Variants in VKORC1L1 observed in about 807,000 individuals in gnomAD.
VKORC1L1 encodes the protein vitamin K epoxide reductase complex subunit 1L1.
VKORC1L1 carries 2 observed loss-of-function variants against 18.9 expected under a neutral mutation model. The ratio of observed to expected loss-of-function variants is 0.11; its 90% confidence interval spans 0.04 to 0.33. The LOEUF is 0.33. Ranked by LOEUF, VKORC1L1 falls within the 10% of genes least tolerant of loss-of-function variation. The probability of loss-of-function intolerance (pLI) is 1.00; values close to 1 mark genes in which losing one functional copy is unlikely to be tolerated. For missense variants in VKORC1L1, 123 were observed against 224.1 expected (o/e 0.55, Z 2.88); for synonymous variants, 96 against 100.0 (o/e 0.96, Z 0.24).
At chr7:65,903,340 T>A (rs1789350665) in intron 1 of VKORC1L1, among the ~76,000 whole-genome samples, 1 of 151,858 alleles carries the variant, frequency 6.6e-6, no homozygotes, top group South Asian at 2.1e-4. Flanking sequence ...CTAATTTTTT[T>A]ATTTTTAGTA....
intron 1 of VKORC1L1, among the ~76,000 whole-genome samples, chr7:65,923,903 C>T (rs1401230352): frequency 1.3e-5 from 2 of 152,116 alleles, no homozygotes; most frequent in African/African-American, 2.4e-5. Flanking sequence ...ATGTGATGAT[C>T]GGTGACTTAG....
chr7:65,915,383 G>T (rs1341774434), intron 1 of VKORC1L1, among the ~76,000 whole-genome samples: 2 of 150,790 alleles, frequency 1.3e-5, no homozygotes, highest in African/African-American at 4.9e-5. Context: ...GAGCCACCGC[G>T]CCCAGCCTTT....
chr7:65,876,314 C>T (rs1410485040), intron 1 of VKORC1L1, among the ~76,000 whole-genome samples: 1 of 151,884 alleles, frequency 6.6e-6, no homozygotes, highest in Non-Finnish European at 1.5e-5. Flanking sequence ...ACCAGCCTGG[C>T]CAACATGCTG....
chr7:65,901,756 G>A (rs1789321195), intron 1 of VKORC1L1, among the ~76,000 whole-genome samples: 1 of 152,116 alleles, frequency 6.6e-6, no homozygotes, highest in African/African-American at 2.4e-5. Context: ...ATAGGTGGAG[G>A]AGTCTCCTGA....
intron 1 of VKORC1L1, among the ~76,000 whole-genome samples, chr7:65,946,968 T>C (rs1790128362): frequency 6.7e-6 from 1 of 148,870 alleles, no homozygotes; most frequent in Non-Finnish European, 1.5e-5. Context: ...GCTGCAACTC[T>C]ATAAAAAAAT....
At chr7:65,900,930 CTTCT>C (rs1221325829) in intron 1 of VKORC1L1, among the ~76,000 whole-genome samples, 1 of 152,194 alleles carries the variant, frequency 6.6e-6, no homozygotes, top group African/African-American at 2.4e-5. Flanking sequence ...TCACGTAGTA[CTTCT>C]GCAAAAGAGG....
At chr7:65,947,785 G>A (rs952407132) in intron 1 of VKORC1L1, among the ~76,000 whole-genome samples, 2 of 151,886 alleles carry the variant, frequency 1.3e-5, no homozygotes, top group Non-Finnish European at 2.9e-5. Flanking sequence ...CTGCTTCCAG[G>A]GTTCAAGTGA....
At chr7:65,934,712 G>A (rs1332694972) in intron 1 of VKORC1L1, among the ~76,000 whole-genome samples, 1 of 151,980 alleles carries the variant, frequency 6.6e-6, no homozygotes, top group Non-Finnish European at 1.5e-5. Context: ...AATTTCTCTC[G>A]TTTTAAAGGC....
At position 65,913,807 on chromosome 7, in the gene VKORC1L1, A is replaced by C. The variant is rs184265959; in HGVS notation, c.195-34864A>C. ...TTCAGTTACCAGGATGAACATTCAG[A>C]GGTCTGATTGAAATTATATGGATGA... On this transcript the variant is annotated intron_variant, in intron 1 of 2. Transcript: ENST00000360768. Among the ~76,000 whole-genome samples, 402 of 151,094 alleles carry C rather than the reference A, an allele frequency of 2.7e-3. 2 individuals are homozygous for C. Among genetic ancestry groups the C allele is most frequent in the African/African-American group, 9.3e-3 (384 of 41,220 alleles).
intron 1 of VKORC1L1, among the ~76,000 whole-genome samples, chr7:65,937,605 GT>G (rs1023370765): frequency 6.6e-6 from 1 of 152,034 alleles, no homozygotes; most frequent in Non-Finnish European, 1.5e-5. Context: ...TAGAGTCAGG[GT>G]TTTGCCATGT....
At chr7:65,953,628 C>T (rs1297735706) in intron 2 of VKORC1L1, among the ~76,000 whole-genome samples, 1 of 152,190 alleles carries the variant, frequency 6.6e-6, no homozygotes, top group Non-Finnish European at 1.5e-5. Context: ...GGTATGGTGG[C>T]TTATGCCTGT....
At chr7:65,926,066 C>A (rs2115642421) in intron 1 of VKORC1L1, among the ~76,000 whole-genome samples, 1 of 152,064 alleles carries the variant, frequency 6.6e-6, no homozygotes, top group South Asian at 2.1e-4. Flanking sequence ...TGTAATTATT[C>A]ACCTATGGTA....
At chr7:65,936,658 T>C (rs1789946096) in intron 1 of VKORC1L1, among the ~76,000 whole-genome samples, 1 of 152,206 alleles carries the variant, frequency 6.6e-6, no homozygotes, top group South Asian at 2.1e-4. Flanking sequence ...CATGTGCCAC[T>C]TGGGTGAGTC....
At position 65,942,272 on chromosome 7, in the gene VKORC1L1, G is replaced by T. The variant is rs191652300; in HGVS notation, c.195-6399G>T. On this transcript the variant is annotated intron_variant, in intron 1 of 2. Transcript: ENST00000360768. Reference sequence around the variant, plus strand: ...GGAGGCTGAGACGAGCGGATCATGAGGTCAGGAGATTGAGACCACCCTGGC... The same window carrying T: ...GGAGGCTGAGACGAGCGGATCATGATGTCAGGAGATTGAGACCACCCTGGC... 5.3e-5 allele frequency among the ~76,000 whole-genome samples: 8 copies of T among 151,930 alleles called. No homozygotes were observed. In the East Asian group the frequency reaches 9.9e-4, roughly 19 times the overall value.
At position 65,957,710 on chromosome 7, in the gene VKORC1L1, T is replaced by A. The variant is rs1790321759; in HGVS notation, c.*3410T>A. ...TAGCTGGGCATGGTGGCGGCACCTG[T>A]AATGCCAGCTCCTCCAGAGGCTGAG... On this transcript the variant is annotated 3_prime_UTR_variant, in exon 3 of 3. Coordinates refer to ENST00000360768, the MANE Select transcript of VKORC1L1 (RefSeq NM_173517.6). 2 of 152,014 alleles carry A rather than the reference T, an allele frequency of 1.3e-5. No individual in the cohort carries two copies. The highest frequency in any genetic ancestry group is 2.9e-5 in the Non-Finnish European group (2 of 68,040). The allele number at this position is 152,014 out of a possible 1,614,324, so 9.4% of individuals were successfully genotyped here. A position where few individuals can be genotyped will look rare whatever the true frequency, so the allele number is the denominator to read the frequency against.
At chr7:65,882,247 T>A (rs1181823950) in intron 1 of VKORC1L1, among the ~76,000 whole-genome samples, 2 of 151,710 alleles carry the variant, frequency 1.3e-5, no homozygotes, top group Non-Finnish European at 2.9e-5. Context: ...GGCATGGTGG[T>A]GCATGCCTGT....
intron 1 of VKORC1L1, among the ~76,000 whole-genome samples, chr7:65,878,880 A>C (rs1439622884): frequency 7.9e-5 from 12 of 152,084 alleles, no homozygotes; most frequent in Non-Finnish European, 1.3e-4. Context: ...TGCACTCCAG[A>C]CTGGGTGACA....
intron 1 of VKORC1L1, among the ~76,000 whole-genome samples, chr7:65,880,055 T>C (rs1353334398): frequency 2.0e-5 from 3 of 152,034 alleles, no homozygotes; most frequent in African/African-American, 7.2e-5. Context: ...AGGTCTCACT[T>C]TGTTGCCTGA....
At chr7:65,903,085 C>T (rs1165080977) in intron 1 of VKORC1L1, among the ~76,000 whole-genome samples, 2 of 151,882 alleles carry the variant, frequency 1.3e-5, no homozygotes, top group Admixed American at 6.6e-5. Flanking sequence ...AGGCTGATCT[C>T]GAACTCCCGA....
Sources: allele counts gnomAD v4.1 joint callset (sites outside exome capture counted in the v4.1 genomes callset), GRCh38; gene constraint gnomAD v4.1.1; transcripts MANE v1.5; gene names NCBI Gene and HGNC (gene_info 2026-07-23, HGNC 2026-07-21).